Variants in HEATR5A observed in about 807,000 individuals in gnomAD.
HEATR5A encodes HEAT repeat-containing protein 5A.
In HEATR5A, 178 loss-of-function variants were observed where a neutral mutation model predicts 218.8. The ratio of observed to expected loss-of-function variants is 0.81; its 90% CI spans 0.72 to 0.92. The LOEUF is 0.92. Ranked by LOEUF, HEATR5A falls within the 40% of genes least tolerant of loss-of-function variation. HEATR5A has a pLI of 0.00. For missense variants in HEATR5A, 2,420 were observed against 2,418.9 expected (o/e 1.00, Z -0.01); for synonymous variants, 864 against 871.6 (o/e 0.99, Z 0.15).
chr14:31,313,846 A>G (rs1030137223), intron 27 of HEATR5A, among the ~76,000 whole-genome samples: 1 of 152,244 alleles, frequency 6.6e-6, no homozygotes, highest in Non-Finnish European at 1.5e-5. Context: ...CAGACTTCCC[A>G]GATATATATT....
At chr14:31,307,246 ACTTAT>A (rs769263774) in intron 30 of HEATR5A, among the ~76,000 whole-genome samples, 22 of 152,346 alleles carry the variant, frequency 1.4e-4, no homozygotes, top group Middle Eastern at 3.4e-3. Context: ...TATACTACTC[ACTTAT>A]CTTAACATCC....
At chr14:31,329,015 T>C (rs941178952) in intron 22 of HEATR5A, among the ~76,000 whole-genome samples, 5 of 151,850 alleles carry the variant, frequency 3.3e-5, no homozygotes, top group Admixed American at 6.6e-5. Flanking sequence ...AAAGAGAGCA[T>C]GTGAAGGAGG....
chr14:31,371,937 G>C, intron 12 of HEATR5A, 28 bp from the exon 13 acceptor site: 1 of 1,160,690 alleles, frequency 8.6e-7, no homozygotes. Flanking sequence ...CTTTTACTTG[G>C]GCATACTGTA....
chr14:31,399,861 C>T (rs1396589909), intron 3 of HEATR5A, among the ~76,000 whole-genome samples: 2 of 152,042 alleles, frequency 1.3e-5, no homozygotes, highest in Non-Finnish European at 2.9e-5. Context: ...TTACATGGCT[C>T]ATTGCCTTTT....
chr14:31,389,660 AAAG>A (rs1266768933), intron 6 of HEATR5A, among the ~76,000 whole-genome samples: 4 of 152,150 alleles, frequency 2.6e-5, no homozygotes, highest in African/African-American at 7.2e-5. Flanking sequence ...TCCCCAAAAA[AAAG>A]AAGAAACCAT....
intron 23 of HEATR5A, among the ~76,000 whole-genome samples, chr14:31,324,220 C>G (rs187403869): frequency 3.3e-5 from 5 of 151,168 alleles, no homozygotes; most frequent in Admixed American, 1.3e-4. Flanking sequence ...AACACTGGAG[C>G]CTTGCATGGA....
At chr14:31,321,159 T>C (rs901374565) in intron 25 of HEATR5A, among the ~76,000 whole-genome samples, 1 of 151,888 alleles carries the variant, frequency 6.6e-6, no homozygotes, top group African/African-American at 2.4e-5. Flanking sequence ...CCTCAGACAG[T>C]TTCAGACTTT....
At chr14:31,344,333 G>A (rs75401968) in intron 20 of HEATR5A, among the ~76,000 whole-genome samples, 14,468 of 133,856 alleles carry the variant, frequency 0.11, 969 homozygotes, top group Admixed American at 0.24. Context: ...GCTGGAGTGC[G>A]ATGGTGCCAT....
chr14:31,335,337 G>A (rs550941500), intron 22 of HEATR5A, among the ~76,000 whole-genome samples: 1 of 152,036 alleles, frequency 6.6e-6, no homozygotes, highest in East Asian at 1.9e-4. Context: ...AATTCAAGTT[G>A]AAGCAAAAGT....
At chr14:31,304,697 G>A (rs1403902262) in intron 32 of HEATR5A, among the ~76,000 whole-genome samples, 4 of 152,202 alleles carry the variant, frequency 2.6e-5, no homozygotes, top group South Asian at 4.1e-4. Context: ...GATTACAGGC[G>A]TGAGCCATTG....
intron 33 of HEATR5A, among the ~76,000 whole-genome samples, chr14:31,299,127 C>T (rs1398642562): frequency 3.3e-5 from 5 of 152,164 alleles, no homozygotes; most frequent in Non-Finnish European, 1.5e-5. Context: ...ACTGACAGCT[C>T]CCAAATACAC....
At chr14:31,382,101 G>T (rs2030014001) in intron 10 of HEATR5A, among the ~76,000 whole-genome samples, 1 of 152,186 alleles carries the variant, frequency 6.6e-6, no homozygotes, top group Non-Finnish European at 1.5e-5. Flanking sequence ...AGAACAAGTG[G>T]ATAATTCTCT....
rs202158979 is a variant in HEATR5A, at chr14:31,384,528, C to CTT, written c.1346-759_1346-758dup. Among the ~76,000 whole-genome samples, 64 of 136,836 alleles carry CTT rather than the reference C, an allele frequency of 4.7e-4. No homozygotes were observed. In the East Asian group the frequency reaches 7.1e-3, roughly 15 times the overall value. 89.8% of individuals were successfully genotyped at this position (136,836 alleles called of 152,430 possible). A position where few individuals can be genotyped will look rare whatever the true frequency, so the allele number is the denominator to read the frequency against. On this transcript the variant is annotated intron_variant, in intron 9 of 35. Transcript: ENST00000543095. ...TACATTTATCTACATAATTCATATA[C>CTT]TTTTTTTTTTTTTTTTGAGATAGCA...
Position 31,383,764 on chromosome 14 carries a change from A to G in HEATR5A, c.1353T>C (p.Leu451=), listed in dbSNP as rs753829461. The G allele has an allele frequency of 1.9e-6, 3 of 1,612,874 alleles. No individual in the cohort carries two copies. In the African/African-American group the frequency reaches 4.0e-5, roughly 21 times the overall value. Residue 451 remains leucine, a synonymous_variant, in exon 10 of 36, where the codon CTT becomes CTC. Coordinates refer to ENST00000543095, the MANE Select transcript of HEATR5A (RefSeq NM_015473.4). ...GAAGAATAACTGACAAGATACTGTCAAGGAGACCTGGAAGGATAAACAAAT... is the reference window on the plus strand; with the variant it reads ...GAAGAATAACTGACAAGATACTGTCGAGGAGACCTGGAAGGATAAACAAAT... ...PLLQDSSTGL[L]DSILSVILHP... is the part of the protein sequence containing the mutation.
intron 4 of HEATR5A, among the ~76,000 whole-genome samples, chr14:31,396,010 C>T (rs191320205): frequency 4.6e-5 from 7 of 152,090 alleles, no homozygotes; most frequent in Non-Finnish European, 1.0e-4. Context: ...TAAGATGAAC[C>T]TCATGGGTAA....
chr14:31,349,947 T>C lies in HEATR5A; in HGVS notation c.2550A>G (p.Pro850=), dbSNP rs1481622179. 6.2e-7 allele frequency: 1 copy of C among 1,601,864 alleles called. No homozygotes were observed. The highest frequency in any genetic ancestry group is 1.3e-5 in the African/African-American group (1 of 74,582). Residue 850 remains proline, a synonymous_variant, in exon 18 of 36, where the codon CCA becomes CCG. Transcript: ENST00000543095. ...TTAAGGCAAATCTTTTCATTTCTTCTGGACCTAAACATCCCTTGGAGCCAG... is the reference window on the plus strand; with the variant it reads ...TTAAGGCAAATCTTTTCATTTCTTCCGGACCTAAACATCCCTTGGAGCCAG... ...YVAGSKGCLG[P]EEMKRFALTL...
At chr14:31,298,842 CT>C (rs1899274872) in intron 33 of HEATR5A, among the ~76,000 whole-genome samples, 2 of 152,140 alleles carry the variant, frequency 1.3e-5, no homozygotes, top group Admixed American at 6.6e-5. Flanking sequence ...TGACCTTACA[CT>C]TTCCATTTAG....
At chr14:31,335,807 C>T (rs1231547906) in intron 22 of HEATR5A, among the ~76,000 whole-genome samples, 1 of 151,970 alleles carries the variant, frequency 6.6e-6, no homozygotes, top group Non-Finnish European at 1.5e-5. Context: ...GCGCATGCCA[C>T]CACACAGATC....
chr14:31,336,592 T>G (rs542253670), intron 22 of HEATR5A, among the ~76,000 whole-genome samples: 184 of 152,310 alleles, frequency 1.2e-3, no homozygotes, highest in African/African-American at 4.1e-3. Context: ...ACTTAAATCT[T>G]ACTGGCTAAG....
Sources: gnomAD v4.1 joint callset for allele counts (sites outside exome capture counted in the v4.1 genomes callset) on GRCh38, gnomAD v4.1.1 for gene constraint, MANE v1.5 for transcripts, NCBI Gene and HGNC (gene_info 2026-07-23, HGNC 2026-07-21) for gene names.